GULP1: variants seen among roughly 807,000 people sequenced by gnomAD.
The protein encoded by GULP1 is GULP PTB domain containing engulfment adaptor 1.
GULP1 carries 19 observed loss-of-function variants against 40.9 expected under a neutral mutation model. That is an observed-to-expected ratio of 0.46 (90% CI 0.32 to 0.68). The LOEUF (loss-of-function observed/expected upper bound fraction) is 0.68. Among genes scored for constraint, GULP1 ranks in the 30% least tolerant of loss-of-function variants. The probability of loss-of-function intolerance (pLI) is 0.03; values close to 1 mark genes in which losing one functional copy is unlikely to be tolerated. For missense variants in GULP1, 312 were observed against 362.2 expected, an observed-to-expected ratio of 0.86 and a Z score of 1.12; for synonymous variants, 119 against 117.6, an observed-to-expected ratio of 1.01 and a Z score of -0.08.
At chr2:188,564,507 A>T (rs1158923538) in intron 7 of GULP1, among the ~76,000 whole-genome samples, 2 of 151,886 alleles carry the variant, frequency 1.3e-5, no homozygotes, top group Non-Finnish European at 2.9e-5. Flanking sequence ...AAATAATGAG[A>T]ATTTTAAAAA....
chr2:188,520,879 T>A (rs949725360), intron 4 of GULP1, among the ~76,000 whole-genome samples: 10 of 152,322 alleles, frequency 6.6e-5, no homozygotes, highest in Admixed American at 3.3e-4. Context: ...TCATGCCAGT[T>A]GTGCAGCGAA....
chr2:188,510,242 A>G (rs535529495), intron 4 of GULP1, among the ~76,000 whole-genome samples: 1 of 152,272 alleles, frequency 6.6e-6, no homozygotes, highest in East Asian at 1.9e-4. Context: ...AAGTAGAACA[A>G]TGATCAGTAT....
At chr2:188,440,234 C>T (rs1024955776) in intron 2 of GULP1, among the ~76,000 whole-genome samples, 9 of 152,324 alleles carry the variant, frequency 5.9e-5, no homozygotes, top group Middle Eastern at 3.4e-3. Context: ...CATTTTGCAT[C>T]AGCCTGAGGG....
At chr2:188,419,579 A>G (rs531223310) in intron 2 of GULP1, among the ~76,000 whole-genome samples, 1 of 150,802 alleles carries the variant, frequency 6.6e-6, no homozygotes, top group South Asian at 2.1e-4. Flanking sequence ...ATATTGAGTT[A>G]TAGGAGTTCT....
At chr2:188,487,732 G>A (rs1022014829) in intron 4 of GULP1, among the ~76,000 whole-genome samples, 8 of 151,906 alleles carry the variant, frequency 5.3e-5, no homozygotes, top group Admixed American at 5.3e-4. Context: ...AAATACAAAT[G>A]TCAAGGAGAG....
chr2:188,455,548 A>G lies in GULP1; in HGVS notation c.-44-22111A>G, dbSNP rs149190187. 4.3e-3 allele frequency among the ~76,000 whole-genome samples: 662 copies of G among 152,294 alleles called. 8 individuals are homozygous for G. Among genetic ancestry groups the G allele is most frequent in the African/African-American group, 0.015 (638 of 41,546 alleles). ...GACTTGTTCCTCCTTGCCTTCTGCC[A>G]TGATTTTGAGGCCTCCCCAGCCATG... On this transcript the variant is annotated intron_variant, in intron 2 of 11. Transcript: ENST00000409830.
chr2:188,409,737 G>A (rs1189850063), intron 2 of GULP1, among the ~76,000 whole-genome samples: 1 of 152,088 alleles, frequency 6.6e-6, no homozygotes, highest in Admixed American at 6.6e-5. Context: ...GAATTCAACA[G>A]CATGTTAAAA....
chr2:188,297,735 G>A, intron 1 of GULP1: 2 of 207,144 alleles, frequency 9.7e-6, no homozygotes, highest in South Asian at 1.4e-4. Flanking sequence ...GTTTATAGCT[G>A]TATAATATTT....
intron 1 of GULP1, among the ~76,000 whole-genome samples, chr2:188,313,685 GTC>G (rs1412420750): frequency 1.3e-5 from 2 of 152,060 alleles, no homozygotes; most frequent in African/African-American, 4.8e-5. Context: ...ATGTCATTGA[GTC>G]TATGAATTAC....
At chr2:188,556,893 G>A (rs956229932) in intron 7 of GULP1, among the ~76,000 whole-genome samples, 12 of 151,960 alleles carry the variant, frequency 7.9e-5, no homozygotes, top group African/African-American at 1.5e-4. Context: ...GTGTGGTGGC[G>A]GGTGCCTGTA....
chr2:188,330,706 G>T (rs923405904), intron 1 of GULP1, among the ~76,000 whole-genome samples: 1 of 152,160 alleles, frequency 6.6e-6, no homozygotes, highest in Non-Finnish European at 1.5e-5. Context: ...TGGATTTCTA[G>T]AATATTTTGT....
At chr2:188,537,459 T>A (rs965311416) in intron 6 of GULP1, among the ~76,000 whole-genome samples, 17 of 152,160 alleles carry the variant, frequency 1.1e-4, no homozygotes, top group Middle Eastern at 3.2e-3. Context: ...TTTTTGTTCT[T>A]AATTCTGTTT....
At chr2:188,473,469 T>C (rs1404289543) in intron 2 of GULP1, among the ~76,000 whole-genome samples, 3 of 152,170 alleles carry the variant, frequency 2.0e-5, no homozygotes, top group African/African-American at 7.2e-5. Flanking sequence ...TATTGTACTG[T>C]GGCTGAGCTG....
intron 4 of GULP1, among the ~76,000 whole-genome samples, chr2:188,485,480 C>T (rs2061785119): frequency 6.6e-6 from 1 of 151,900 alleles, no homozygotes; most frequent in Non-Finnish European, 1.5e-5. Flanking sequence ...TTCTGAAGTC[C>T]TTTGTTTGTG....
At chr2:188,348,060 A>T (rs1344961460) in intron 1 of GULP1, among the ~76,000 whole-genome samples, 1 of 152,374 alleles carries the variant, frequency 6.6e-6, no homozygotes, top group African/African-American at 2.4e-5. Flanking sequence ...TCAAAGAAAT[A>T]AAATTCAGTG....
rs2153480768 is a variant in GULP1, at chr2:188,595,819, A to G, written c.*1808A>G. On this transcript the variant is annotated 3_prime_UTR_variant, in exon 12 of 12. Transcript: ENST00000409830. ...GTACATAACTGGTCATTAATTATGA[A>G]CATTTATTTCTCCAGTGCGTTTTTA... 6.6e-6 allele frequency: 1 copy of G among 152,370 alleles called. No individual in the cohort carries two copies. Among genetic ancestry groups the G allele is most frequent in the Middle Eastern group, 3.4e-3 (1 of 292 alleles). 9.4% of individuals were successfully genotyped at this position (152,370 alleles called of 1,614,324 possible).
At chr2:188,510,148 T>A (rs967329138) in intron 4 of GULP1, among the ~76,000 whole-genome samples, 2 of 152,080 alleles carry the variant, frequency 1.3e-5, no homozygotes, top group Non-Finnish European at 2.9e-5. Context: ...ACTTGAAATA[T>A]CAGGGGTTTC....
At chr2:188,511,014 A>C (rs2064475564) in intron 4 of GULP1, among the ~76,000 whole-genome samples, 1 of 152,060 alleles carries the variant, frequency 6.6e-6, no homozygotes, top group Non-Finnish European at 1.5e-5. Context: ...AAATTCATTG[A>C]ATGTTCATTC....
chr2:188,460,880 C>G (rs149818872), intron 2 of GULP1, among the ~76,000 whole-genome samples: 168 of 152,198 alleles, frequency 1.1e-3, no homozygotes, highest in African/African-American at 4.0e-3. Context: ...TTTTCAGCAT[C>G]AATTGCAATG....
Sources: gnomAD v4.1 joint callset for allele counts (sites outside exome capture counted in the v4.1 genomes callset) on GRCh38, gnomAD v4.1.1 for gene constraint, MANE v1.5 for transcripts, NCBI Gene and HGNC (gene_info 2026-07-23, HGNC 2026-07-21) for gene names.